Variants in FBXL17 observed in about 807,000 individuals in gnomAD.
The protein encoded by FBXL17 is F-box/LRR-repeat protein 17.
FBXL17 carries 22 observed loss-of-function variants against 66.2 expected under a neutral mutation model. That is an observed-to-expected ratio of 0.33 (90% CI 0.24 to 0.47). The LOEUF is 0.47. Among genes scored for constraint, FBXL17 ranks in the 20% least tolerant of loss-of-function variants. The pLI is 1.00. For synonymous variants in FBXL17, 474 were observed against 400.5 expected (o/e 1.18, Z -2.19); for missense variants, 878 against 948.2 (o/e 0.93, Z 0.97).
chr5:108,288,199 C>A (rs770228102), intron 4 of FBXL17, among the ~76,000 whole-genome samples: 1 of 151,634 alleles, frequency 6.6e-6, no homozygotes, highest in Non-Finnish European at 1.5e-5. Flanking sequence ...ATATTCTGTA[C>A]AGCAAACCCC....
At chr5:108,308,875 G>GT (rs1308915887) in intron 4 of FBXL17, among the ~76,000 whole-genome samples, 2 of 152,006 alleles carry the variant, frequency 1.3e-5, no homozygotes, top group Non-Finnish European at 2.9e-5. Flanking sequence ...AACACTGTAC[G>GT]TAAGAATATA....
chr5:108,198,609 A>G (rs914157375), intron 5 of FBXL17, among the ~76,000 whole-genome samples: 6 of 152,192 alleles, frequency 3.9e-5, no homozygotes, highest in African/African-American at 1.2e-4. Context: ...GTAAGGATTC[A>G]TATTTGAAAT....
intron 7 of FBXL17, among the ~76,000 whole-genome samples, chr5:107,968,019 C>G (rs1752220776): frequency 6.6e-6 from 1 of 151,990 alleles, no homozygotes; most frequent in Non-Finnish European, 1.5e-5. Flanking sequence ...GTATAACGGA[C>G]AAAACTGTAC....
intron 4 of FBXL17, among the ~76,000 whole-genome samples, chr5:108,273,815 G>C (rs1303341026): frequency 1.3e-5 from 2 of 151,990 alleles, no homozygotes; most frequent in South Asian, 2.1e-4. Context: ...TAGACACATA[G>C]CTTGCTGTTT....
chr5:108,085,993 C>T (rs949838654), intron 6 of FBXL17, among the ~76,000 whole-genome samples: 4 of 152,080 alleles, frequency 2.6e-5, no homozygotes, highest in Non-Finnish European at 5.9e-5. Context: ...GACTTTCTTC[C>T]CTTCTCATAT....
In FBXL17 at chr5:107,861,513, T is replaced by C; in HGVS notation, c.*207A>G. On this transcript the variant is annotated 3_prime_UTR_variant, in exon 9 of 9. Transcript: ENST00000542267. ...AAAAGTTTGTGGCTTTCATAATCTT[T>C]AATTTCTAAGAAAAAAAGCCAGCTC... 1 of 397,888 alleles carries C rather than the reference T, an allele frequency of 2.5e-6. No homozygotes were observed. Among genetic ancestry groups the C allele is most frequent in the South Asian group, 1.4e-4 (1 of 7,242 alleles). The allele number at this position is 397,888 out of a possible 1,614,324, so 24.6% of individuals were successfully genotyped here.
intron 7 of FBXL17, among the ~76,000 whole-genome samples, chr5:107,934,163 C>G (rs1187308924): frequency 6.6e-6 from 1 of 152,058 alleles, no homozygotes; most frequent in African/African-American, 2.4e-5. Context: ...CATGACAAAT[C>G]TAGGCTTTGG....
intron 3 of FBXL17, among the ~76,000 whole-genome samples, chr5:108,361,547 A>T (rs1748338094): frequency 6.6e-6 from 1 of 152,062 alleles, no homozygotes; most frequent in Non-Finnish European, 1.5e-5. Flanking sequence ...TGCGGCTTTC[A>T]AAATTCCCTT....
intron 4 of FBXL17, among the ~76,000 whole-genome samples, chr5:108,260,239 G>A (rs1036149588): frequency 6.6e-6 from 1 of 152,036 alleles, no homozygotes; most frequent in African/African-American, 2.4e-5. Flanking sequence ...GGCAGCTTAA[G>A]GACTCTTGTG....
At chr5:108,132,877 C>T (rs1400933149) in intron 6 of FBXL17, among the ~76,000 whole-genome samples, 1 of 152,132 alleles carries the variant, frequency 6.6e-6, no homozygotes, top group Non-Finnish European at 1.5e-5. Context: ...AGAACATCTC[C>T]ATTTGGATGT....
rs1749986996 is a variant in FBXL17 at position 108,381,851 on chromosome 5, G to A, written c.-160C>T. On this transcript the variant is annotated 5_prime_UTR_variant, in exon 1 of 9. Coordinates refer to ENST00000542267, the MANE Select transcript of FBXL17 (RefSeq NM_001163315.3). ...ACGGGCACACACGCGACGGTGGGGG[G>A]TGGGCGTCAGCTGCGGGCCGCCGGA... 4 of 1,297,408 alleles carry A rather than the reference G, an allele frequency of 3.1e-6. No homozygotes were observed. The highest frequency in any genetic ancestry group is 2.2e-5 in the South Asian group (1 of 45,498). 80.4% of individuals were successfully genotyped at this position (1,297,408 alleles called of 1,614,324 possible).
chr5:107,885,873 G>T (rs1748950844), intron 7 of FBXL17, among the ~76,000 whole-genome samples: 1 of 151,914 alleles, frequency 6.6e-6, no homozygotes, highest in African/African-American at 2.4e-5. Context: ...GAGAAGAAAA[G>T]ATACTTCTTG....
intron 4 of FBXL17, among the ~76,000 whole-genome samples, chr5:108,268,720 T>C (rs1013789912): frequency 3.3e-5 from 5 of 152,056 alleles, no homozygotes; most frequent in Non-Finnish European, 5.9e-5. Flanking sequence ...CATATCCTCT[T>C]TTTATAGGTT....
intron 1 of FBXL17, among the ~76,000 whole-genome samples, chr5:108,369,726 T>C (rs1748905940): frequency 6.6e-6 from 1 of 151,640 alleles, no homozygotes; most frequent in Admixed American, 6.6e-5. Context: ...TCTTGGAAAA[T>C]TAAAAGCTTT....
At chr5:108,349,121 TAGTG>T (rs1447067916) in intron 3 of FBXL17, among the ~76,000 whole-genome samples, 2 of 152,112 alleles carry the variant, frequency 1.3e-5, no homozygotes, top group African/African-American at 4.8e-5. Context: ...TGAGTCTTAA[TAGTG>T]AGGAAAAAAA....
chr5:107,885,161 A>G (rs1047478000), intron 7 of FBXL17, among the ~76,000 whole-genome samples: 1 of 152,202 alleles, frequency 6.6e-6, no homozygotes, highest in African/African-American at 2.4e-5. Context: ...AAATTATGCA[A>G]GACTAATTCC....
At chr5:108,237,897 T>G (rs187598312) in intron 4 of FBXL17, among the ~76,000 whole-genome samples, 3 of 152,280 alleles carry the variant, frequency 2.0e-5, no homozygotes, top group South Asian at 4.1e-4. Flanking sequence ...TGAAAGAAAT[T>G]TATTTAAATT....
chr5:108,326,266 A>G (rs1332271472), intron 4 of FBXL17, among the ~76,000 whole-genome samples: 1 of 152,048 alleles, frequency 6.6e-6, no homozygotes, highest in African/African-American at 2.4e-5. Context: ...AACTCTTATA[A>G]CATGTAAGAA....
chr5:108,082,799 C>A (rs1400122155), intron 6 of FBXL17, among the ~76,000 whole-genome samples: 1 of 152,098 alleles, frequency 6.6e-6, no homozygotes, highest in African/African-American at 2.4e-5. Context: ...ACAGACTGAA[C>A]TTTGCTGTGA....
Sources: allele counts gnomAD v4.1 joint callset (sites outside exome capture counted in the v4.1 genomes callset), GRCh38; gene constraint gnomAD v4.1.1; transcripts MANE v1.5; gene names NCBI Gene and HGNC (gene_info 2026-07-23, HGNC 2026-07-21).